The following ZNF148 variants were observed in gnomAD, a reference collection of about 807,000 sequenced individuals.
ZNF148 encodes the protein Beta-Enolase Repressor Factor-1.
Under a neutral mutation model 67.7 loss-of-function variants are expected in ZNF148, and 7 were observed. The observed-to-expected ratio is 0.10, with a 90% CI of 0.06 to 0.19. The LOEUF (loss-of-function observed/expected upper bound fraction) is 0.19. Ranked by LOEUF, ZNF148 falls within the 10% of genes least tolerant of loss-of-function variation. ZNF148 has a pLI of 1.00. For synonymous variants in ZNF148, 333 were observed against 330.7 expected (o/e 1.01, Z -0.08); for missense variants, 583 against 947.1 (o/e 0.62, Z 5.05).
rs892220350 is a variant in ZNF148, at chr3:125,257,879, A to G, written c.667+19847T>C. 9.2e-5 allele frequency among the ~76,000 whole-genome samples: 14 copies of G among 152,128 alleles called. No homozygotes were observed. The East Asian group carries it at 1.4e-3, about 15-fold the overall frequency. On this transcript the variant is annotated intron_variant, in intron 7 of 8. Coordinates refer to ENST00000360647, the MANE Select transcript of ZNF148 (RefSeq NM_021964.3). ...GCTCTTGTCTTGTTACTCATTTCCT[A>G]TTCTGCCTCCTTCACCTTCCCTACC...
rs1935708513 is a variant in ZNF148 at position 125,228,055 on chromosome 3, A to G, written c.*4286T>C. 1 of 152,654 alleles carries G rather than the reference A, an allele frequency of 6.6e-6. No homozygotes were observed. The highest frequency in any genetic ancestry group is 2.1e-4 in the South Asian group (1 of 4,838). The allele number at this position is 152,654 out of a possible 1,614,324, so 9.5% of individuals were successfully genotyped here. ...AATAAGTATCTAAAAATCAATGTAGAAAGTTTAGAATTATTGAAATGTAGT... is the reference window on the plus strand; with the variant it reads ...AATAAGTATCTAAAAATCAATGTAGGAAGTTTAGAATTATTGAAATGTAGT... On this transcript the variant is annotated 3_prime_UTR_variant, in exon 9 of 9. Transcript: ENST00000360647.
intron 7 of ZNF148, among the ~76,000 whole-genome samples, chr3:125,256,941 T>C (rs1937108660): frequency 6.6e-6 from 1 of 151,408 alleles, no homozygotes; most frequent in African/African-American, 2.4e-5. Context: ...ATATCAGTTA[T>C]TATGTTTTCA....
intron 4 of ZNF148, among the ~76,000 whole-genome samples, chr3:125,306,093 T>A (rs1010351585): frequency 6.6e-6 from 1 of 151,982 alleles, no homozygotes; most frequent in African/African-American, 2.4e-5. Context: ...AACTCATGAA[T>A]CAAAAAGAAA....
chr3:125,253,046 T>TA (rs1936913446), intron 7 of ZNF148, among the ~76,000 whole-genome samples: 2 of 152,296 alleles, frequency 1.3e-5, no homozygotes, highest in Admixed American at 1.3e-4. Context: ...CTCTGACACA[T>TA]ACGCATCTGC....
chr3:125,310,299 C>T (rs944034369), intron 4 of ZNF148, among the ~76,000 whole-genome samples: 5 of 151,986 alleles, frequency 3.3e-5, no homozygotes, highest in Admixed American at 6.6e-5. Context: ...AAGCTAGTCT[C>T]AAACTCCTGA....
intron 4 of ZNF148, among the ~76,000 whole-genome samples, chr3:125,297,215 A>C (rs1003455441): frequency 1.3e-5 from 2 of 152,142 alleles, no homozygotes; most frequent in African/African-American, 4.8e-5. Flanking sequence ...GGAAATCTCT[A>C]TGGGTAAGTT....
intron 1 of ZNF148, among the ~76,000 whole-genome samples, chr3:125,358,368 T>G (rs892627400): frequency 2.0e-5 from 3 of 152,168 alleles, no homozygotes; most frequent in African/African-American, 7.2e-5. Flanking sequence ...TATCTCCCAC[T>G]TTAGCTATTC....
At chr3:125,353,114 C>A (rs1942213027) in intron 1 of ZNF148, among the ~76,000 whole-genome samples, 3 of 152,160 alleles carry the variant, frequency 2.0e-5, no homozygotes, top group Admixed American at 1.3e-4. Context: ...ATGTCCATAA[C>A]CTCTTTATTC....
chr3:125,276,437 A>AT (rs879341498), intron 7 of ZNF148, among the ~76,000 whole-genome samples: 42 of 148,534 alleles, frequency 2.8e-4, no homozygotes, highest in South Asian at 6.5e-4. Context: ...TATTTATTTT[A>AT]TTTATTTATT....
chr3:125,236,328 T>G (rs533529859), intron 7 of ZNF148, among the ~76,000 whole-genome samples: 56 of 151,888 alleles, frequency 3.7e-4, no homozygotes, highest in Non-Finnish European at 6.6e-4. Context: ...CCTCACAGAG[T>G]GTTGGGGTTA....
At chr3:125,243,770 C>T (rs1051589212) in intron 7 of ZNF148, among the ~76,000 whole-genome samples, 5 of 152,168 alleles carry the variant, frequency 3.3e-5, no homozygotes, top group Admixed American at 2.0e-4. Context: ...AAGTGATCCT[C>T]CCAACTCAGC....
intron 5 of ZNF148, among the ~76,000 whole-genome samples, chr3:125,280,689 A>G (rs1242354931): frequency 6.6e-6 from 1 of 151,906 alleles, no homozygotes; most frequent in Non-Finnish European, 1.5e-5. Context: ...CAAAAAAAAA[A>G]AAAAATTGCC....
At chr3:125,289,507 T>A (rs1458837330) in intron 4 of ZNF148, among the ~76,000 whole-genome samples, 1 of 152,218 alleles carries the variant, frequency 6.6e-6, no homozygotes, top group Non-Finnish European at 1.5e-5. Flanking sequence ...TTGGTATCAA[T>A]TATTTTGACT....
At chr3:125,278,457 C>T (rs949930747) in intron 6 of ZNF148, among the ~76,000 whole-genome samples, 2 of 152,158 alleles carry the variant, frequency 1.3e-5, no homozygotes, top group Non-Finnish European at 2.9e-5. Flanking sequence ...TCACTGCCCA[C>T]TTGCGGTTTA....
intron 2 of ZNF148, 110 bp downstream of exon 2, chr3:125,331,048 A>G (rs1941269070): frequency 2.5e-6 from 1 of 397,296 alleles, no homozygotes; most frequent in South Asian, 1.3e-4. Context: ...AAGAAAAGGG[A>G]TTGGCCATAA....
intron 7 of ZNF148, among the ~76,000 whole-genome samples, chr3:125,238,577 G>A (rs139540184): frequency 0.015 from 2,273 of 151,434 alleles, 52 homozygotes; most frequent in African/African-American, 0.052. Flanking sequence ...GCAGTGAGCC[G>A]AGATCACACC....
chr3:125,299,500 G>A (rs1209982218), intron 4 of ZNF148, among the ~76,000 whole-genome samples: 1 of 152,022 alleles, frequency 6.6e-6, no homozygotes, highest in African/African-American at 2.4e-5. Flanking sequence ...TTCCATCTCT[G>A]TAAAAAATTT....
chr3:125,373,844 A>C (rs1306882908), intron 1 of ZNF148, among the ~76,000 whole-genome samples: 3 of 152,202 alleles, frequency 2.0e-5, no homozygotes, highest in Non-Finnish European at 2.9e-5. Context: ...CTACAAATGA[A>C]GTATCTAAAG....
intron 1 of ZNF148, among the ~76,000 whole-genome samples, chr3:125,361,087 T>C (rs1332644848): frequency 6.6e-6 from 1 of 152,030 alleles, no homozygotes; most frequent in African/African-American, 2.4e-5. Context: ...TCTAGCTATT[T>C]TTCTCAATTC....
Sources: gnomAD v4.1 joint callset for allele counts (sites outside exome capture counted in the v4.1 genomes callset) on GRCh38, gnomAD v4.1.1 for gene constraint, MANE v1.5 for transcripts, NCBI Gene and HGNC (gene_info 2026-07-23, HGNC 2026-07-21) for gene names.